The following TTYH1 variants were observed in gnomAD, a reference collection of about 807,000 sequenced individuals.
The protein encoded by TTYH1 is tweety family member 1.
TTYH1 carries 33 observed loss-of-function variants against 61.2 expected under a neutral mutation model. The ratio of observed to expected loss-of-function variants is 0.54; its 90% confidence interval spans 0.41 to 0.72. The LOEUF is 0.72. Among genes scored for constraint, TTYH1 ranks in the 30% least tolerant of loss-of-function variants. The probability of loss-of-function intolerance (pLI) is 0.00; values close to 1 mark genes in which losing one functional copy is unlikely to be tolerated. For missense variants in TTYH1, 538 were observed against 575.8 expected, an observed-to-expected ratio of 0.93 and a Z score of 0.67; for synonymous variants, 308 against 266.4, an observed-to-expected ratio of 1.16 and a Z score of -1.52.
intron 5 of TTYH1, among the ~76,000 whole-genome samples, chr19:54,428,941 A>G (rs1401728585): frequency 6.6e-6 from 1 of 152,106 alleles, no homozygotes; most frequent in Non-Finnish European, 1.5e-5. Context: ...CTCAGAGGAG[A>G]CAGGGCAGAG....
chr19:54,435,769 T>A, intron 11 of TTYH1, 59 bp from the exon 12 acceptor site: 1 of 1,611,590 alleles, frequency 6.2e-7, no homozygotes, highest in Non-Finnish European at 8.5e-7. Context: ...GGGTGGGGGG[T>A]GCAGCCTCCT....
chr19:54,428,982 G>A (rs1283237497), intron 5 of TTYH1, among the ~76,000 whole-genome samples: 1 of 152,170 alleles, frequency 6.6e-6, no homozygotes, highest in Non-Finnish European at 1.5e-5. Flanking sequence ...GGGTGGACTT[G>A]GGGGAGCCTT....
chr19:54,433,990 GTC>G (rs2122953851), intron 10 of TTYH1, among the ~76,000 whole-genome samples: 1 of 152,158 alleles, frequency 6.6e-6, no homozygotes, highest in Non-Finnish European at 1.5e-5. Context: ...GCCCCGACAG[GTC>G]CGTACCCCAA....
chr19:54,418,696 C>G (rs370010560), intron 1 of TTYH1: 1 of 162,940 alleles, frequency 6.1e-6, no homozygotes. Flanking sequence ...CAGCCTGGCC[C>G]GAGGCACCAG....
chr19:54,435,185 G>C, intron 10 of TTYH1: 1 of 239,928 alleles, frequency 4.2e-6, no homozygotes, highest in Non-Finnish European at 8.1e-6. Flanking sequence ...GAAGATGGAG[G>C]AGAGGGCCCA....
In TTYH1 at chr19:54,419,943, G is replaced by T. The variant is rs975694800; in HGVS notation, c.305+637G>T. Reference sequence around the variant, plus strand: ...CTCATCTGTGCCCAGACCTGAGCTGGTCTAATTCCTTCTCACAATAATGCT... The same window carrying T: ...CTCATCTGTGCCCAGACCTGAGCTGTTCTAATTCCTTCTCACAATAATGCT... On this transcript the variant is annotated intron_variant, in intron 2 of 13. Coordinates refer to ENST00000376530, the MANE Select transcript of TTYH1 (RefSeq NM_020659.4). This position sits in a 1 kb window ranked among gnomAD's most constrained non-coding sequence, Gnocchi z 6.1. 1.3e-5 allele frequency among the ~76,000 whole-genome samples: 2 copies of T among 152,170 alleles called. No individual in the cohort carries two copies. The highest frequency in any genetic ancestry group is 2.9e-5 in the Non-Finnish European group (2 of 68,028).
In TTYH1 at chr19:54,416,117, C is replaced by G; in HGVS notation, c.126+439C>G. Reference sequence around the variant, plus strand: ...ACCCAGGAGACAGCGGACCTGATAACGGTGGCGGGGAAAACGCTGGCTGCT... The same window carrying G: ...ACCCAGGAGACAGCGGACCTGATAAGGGTGGCGGGGAAAACGCTGGCTGCT... On this transcript the variant is annotated intron_variant, in intron 1 of 13. Coordinates refer to ENST00000376530, the MANE Select transcript of TTYH1 (RefSeq NM_020659.4). The surrounding 1 kb of genome is among the most constrained non-coding windows in gnomAD (Gnocchi z 7.0). The G allele has an allele frequency of 7.8e-7, 1 of 1,288,772 alleles. No individual in the cohort carries two copies. Among genetic ancestry groups the G allele is most frequent in the South Asian group, 1.2e-5 (1 of 80,370 alleles). 79.8% of individuals were successfully genotyped at this position (1,288,772 alleles called of 1,614,324 possible).
intron 4 of TTYH1, among the ~76,000 whole-genome samples, chr19:54,423,261 G>A (rs1290396138): frequency 2.7e-5 from 4 of 149,036 alleles, no homozygotes; most frequent in South Asian, 2.1e-4. Flanking sequence ...GCAGCGGTGC[G>A]ATCTCGACTC....
At position 54,429,480 on chromosome 19, in the gene TTYH1, G is replaced by A; in HGVS notation, c.807+101G>A. 9.1e-7 allele frequency: 1 copy of A among 1,103,354 alleles called. No homozygotes were observed. Among genetic ancestry groups the A allele is most frequent in the Admixed American group, 1.8e-5 (1 of 54,334 alleles). 68.3% of individuals were successfully genotyped at this position (1,103,354 alleles called of 1,614,324 possible). A position where few individuals can be genotyped will look rare whatever the true frequency, so the allele number is the denominator to read the frequency against. Reference sequence around the variant, plus strand: ...GCATGGCTTAGTAGAGAAAGGAATTGGGGGGCACGATCACAGCTCTGAGGT... The same window carrying A: ...GCATGGCTTAGTAGAGAAAGGAATTAGGGGGCACGATCACAGCTCTGAGGT... On this transcript the variant is annotated intron_variant, in intron 6 of 13. Coordinates refer to ENST00000376530, the MANE Select transcript of TTYH1 (RefSeq NM_020659.4). This position sits in a 1 kb window ranked among gnomAD's most constrained non-coding sequence, Gnocchi z 5.1.
In TTYH1 at chr19:54,415,735, C is replaced by T; in HGVS notation, c.126+57C>T. The T allele has an allele frequency of 6.9e-7, 1 of 1,439,774 alleles. No homozygotes were observed. Among genetic ancestry groups the T allele is most frequent in the Non-Finnish European group, 9.2e-7 (1 of 1,089,668 alleles). The allele number at this position is 1,439,774 out of a possible 1,614,324, so 89.2% of individuals were successfully genotyped here. A position where few individuals can be genotyped will look rare whatever the true frequency, so the allele number is the denominator to read the frequency against. On this transcript the variant is annotated intron_variant, in intron 1 of 13. Transcript: ENST00000376530. The surrounding 1 kb of genome is among the most constrained non-coding windows in gnomAD (Gnocchi z 5.2). ...GGCTGGGGGCCGGAGCTCCTGGGTC[C>T]CGAGGGAGAAGGGGGCTGGGTCACA...
rs2083073400 is a variant in TTYH1 at position 54,416,118 on chromosome 19, G to T, written c.126+440G>T. ...CCCAGGAGACAGCGGACCTGATAAC[G>T]GTGGCGGGGAAAACGCTGGCTGCTG... On this transcript the variant is annotated intron_variant, in intron 1 of 13. Transcript: ENST00000376530. The surrounding 1 kb of genome is among the most constrained non-coding windows in gnomAD (Gnocchi z 7.0). 2 of 1,287,900 alleles carry T rather than the reference G, an allele frequency of 1.6e-6. No homozygotes were observed. The highest frequency in any genetic ancestry group is 1.0e-6 in the Non-Finnish European group (1 of 974,546). 79.8% of individuals were successfully genotyped at this position (1,287,900 alleles called of 1,614,324 possible). A position where few individuals can be genotyped will look rare whatever the true frequency, so the allele number is the denominator to read the frequency against.
chr19:54,429,415 T>G lies in TTYH1; in HGVS notation c.807+36T>G. The G allele has an allele frequency of 6.3e-7, 1 of 1,596,014 alleles. No homozygotes were observed. The highest frequency in any genetic ancestry group is 8.6e-7 in the Non-Finnish European group (1 of 1,165,190). ...GGGCCGGGCCATTGGGCTCTGGGAC[T>G]CAGGGGGCCTGGAGACTTCAACTTC... On this transcript the variant is annotated intron_variant, in intron 6 of 13. Coordinates refer to ENST00000376530, the MANE Select transcript of TTYH1 (RefSeq NM_020659.4). The surrounding 1 kb of genome is among the most constrained non-coding windows in gnomAD (Gnocchi z 5.1).
At chr19:54,427,810 C>T (rs555077943) in intron 5 of TTYH1, among the ~76,000 whole-genome samples, 1 of 152,284 alleles carries the variant, frequency 6.6e-6, no homozygotes, top group Admixed American at 6.5e-5. Context: ...CGCAGGACCA[C>T]ACTGATTTCA....
Position 54,436,464 on chromosome 19 carries a change from C to T in TTYH1, c.*174C>T, listed in dbSNP as rs1056391704. On this transcript the variant is annotated 3_prime_UTR_variant, in exon 14 of 14. Coordinates refer to ENST00000376530, the MANE Select transcript of TTYH1 (RefSeq NM_020659.4). The surrounding 1 kb of genome is among the most constrained non-coding windows in gnomAD (Gnocchi z 4.3). ...TTGGCCACTGTGCTCCCATTTCTGT[C>T]CTTGGCCTTGGGAGTAGCTGAGGGG... 3 of 1,450,826 alleles carry T rather than the reference C, an allele frequency of 2.1e-6. No homozygotes were observed. Among genetic ancestry groups the T allele is most frequent in the Non-Finnish European group, 2.9e-6 (3 of 1,035,918 alleles). The allele number at this position is 1,450,826 out of a possible 1,614,324, so 89.9% of individuals were successfully genotyped here. A position where few individuals can be genotyped will look rare whatever the true frequency, so the allele number is the denominator to read the frequency against.
intron 4 of TTYH1, among the ~76,000 whole-genome samples, chr19:54,422,897 C>A (rs1421083774): frequency 6.9e-6 from 1 of 144,108 alleles, no homozygotes; most frequent in Non-Finnish European, 1.5e-5. Flanking sequence ...CCATTGCACT[C>A]CAGCCTGGGC....
rs774477208 is a variant in TTYH1 at position 54,420,375 on chromosome 19, G to C, written c.306-902G>C. 6.9e-4 allele frequency among the ~76,000 whole-genome samples: 105 copies of C among 152,286 alleles called. No homozygotes were observed. The highest frequency in any genetic ancestry group is 3.4e-3 in the Middle Eastern group (1 of 294). ...GGGGAGGTGGACAAAGGCCCAGTGGGGGAGAGACACGGCCCCAGCCCCCGC... is the reference window on the plus strand; with the variant it reads ...GGGGAGGTGGACAAAGGCCCAGTGGCGGAGAGACACGGCCCCAGCCCCCGC... On this transcript the variant is annotated intron_variant, in intron 2 of 13. Coordinates refer to ENST00000376530, the MANE Select transcript of TTYH1 (RefSeq NM_020659.4). This position sits in a 1 kb window ranked among gnomAD's most constrained non-coding sequence, Gnocchi z 4.8.
intron 4 of TTYH1, among the ~76,000 whole-genome samples, chr19:54,423,533 C>T (rs547274756): frequency 3.9e-5 from 6 of 152,284 alleles, no homozygotes; most frequent in East Asian, 3.9e-4. Context: ...AACCTGAGCT[C>T]GAAAGCCAGC....
intron 5 of TTYH1, among the ~76,000 whole-genome samples, chr19:54,428,183 G>T (rs2083368783): frequency 7.0e-6 from 1 of 141,904 alleles, no homozygotes; most frequent in Non-Finnish European, 1.5e-5. Context: ...TCTGCCTCCT[G>T]GGTTCAGGCA....
intron 5 of TTYH1, 110 bp downstream of exon 5, chr19:54,426,878 G>A (rs987191720): frequency 1.3e-5 from 12 of 953,608 alleles, no homozygotes; most frequent in Non-Finnish European, 1.9e-5. Flanking sequence ...TCACGGCCGG[G>A]TACACACGAA....
Sources: allele counts gnomAD v4.1 joint callset (sites outside exome capture counted in the v4.1 genomes callset), GRCh38; gene constraint gnomAD v4.1.1; non-coding constraint Gnocchi (gnomAD v3.1); transcripts MANE v1.5; gene names NCBI Gene and HGNC (gene_info 2026-07-23, HGNC 2026-07-21).